The following CLCC1 variants were observed in gnomAD, a reference collection of about 807,000 sequenced individuals.
CLCC1 encodes the protein chloride channel CLIC-like protein 1.
A neutral mutation model predicts 63.3 loss-of-function variants in CLCC1; 39 were observed. That is an observed-to-expected ratio of 0.62 (90% CI 0.48 to 0.81). The LOEUF (loss-of-function observed/expected upper bound fraction) is 0.81. Among genes scored for constraint, CLCC1 ranks in the 30% least tolerant of loss-of-function variants. The pLI, the probability that CLCC1 is intolerant of heterozygous loss-of-function variation, is 0.00. For missense variants in CLCC1, 549 were observed against 669.4 expected, an observed-to-expected ratio of 0.82 and a Z score of 1.98; for synonymous variants, 217 against 239.8, an observed-to-expected ratio of 0.90 and a Z score of 0.88.
At position 108,936,085 on chromosome 1, in the gene CLCC1, G is replaced by GTTTTT. The variant is rs530980387; in HGVS notation, c.1383+987_1383+991dup. On this transcript the variant is annotated intron_variant, in intron 11 of 12. Transcript: ENST00000369969. ...AAAGCTGGAAGGACCATCTTAAGTT[G>GTTTTT]TTTTTTTTTTTTTTTTTTTTTTTTT... is the stretch of plus-strand genomic sequence containing the variant. Among the ~76,000 whole-genome samples, 46 of 88,116 alleles carry GTTTTT rather than the reference G, an allele frequency of 5.2e-4. 1 individual carries two copies. The highest frequency in any genetic ancestry group is 5.5e-4 in the Non-Finnish European group (27 of 48,900). The allele number at this position is 88,116 out of a possible 152,430, so 57.8% of individuals were successfully genotyped here. A position where few individuals can be genotyped will look rare whatever the true frequency, so the allele number is the denominator to read the frequency against.
rs773576577 is a variant in CLCC1 at position 108,931,344 on chromosome 1, C to CAA, written c.*1201_*1202dup. On this transcript the variant is annotated 3_prime_UTR_variant, in exon 13 of 13. Transcript: ENST00000369969. Reference sequence around the variant, plus strand: ...AAGGCAGTTTACAAGGGGATGATAACAAAGTAACTAACTAACTGTAGCAAA... The same window carrying CAA: ...AAGGCAGTTTACAAGGGGATGATAACAAAAAGTAACTAACTAACTGTAGCAAA... 3.9e-6 allele frequency: 6 copies of CAA among 1,550,458 alleles called. No homozygotes were observed. In the South Asian group the frequency reaches 6.0e-5, roughly 15 times the overall value.
At chr1:108,939,467 C>T (rs1054862709) in intron 10 of CLCC1, among the ~76,000 whole-genome samples, 169 bp downstream of exon 10, 5 of 151,454 alleles carry the variant, frequency 3.3e-5, no homozygotes, top group Admixed American at 1.3e-4. Context: ...CCACCACGCC[C>T]GGCTAATTTT....
intron 2 of CLCC1, among the ~76,000 whole-genome samples, chr1:108,960,040 G>A (rs1273327819): frequency 6.6e-6 from 1 of 152,144 alleles, no homozygotes; most frequent in East Asian, 1.9e-4. Context: ...AGGCTGAGGT[G>A]GGAGGATCAC....
chr1:108,946,636 C>A (rs931956206), intron 5 of CLCC1, among the ~76,000 whole-genome samples: 1 of 152,020 alleles, frequency 6.6e-6, no homozygotes, highest in Non-Finnish European at 1.5e-5. Flanking sequence ...GCAGGTGGGG[C>A]TAATGGCCAG....
At chr1:108,946,511 T>C (rs1469551154) in intron 5 of CLCC1, among the ~76,000 whole-genome samples, 1 of 152,176 alleles carries the variant, frequency 6.6e-6, no homozygotes, top group Non-Finnish European at 1.5e-5. Flanking sequence ...CTCCTTTTTC[T>C]TTTGGTCACT....
In CLCC1 at chr1:108,955,496, C is replaced by A. The variant is rs573321843; in HGVS notation, c.-11-5048G>T. Among the ~76,000 whole-genome samples, 154 of 151,516 alleles carry A rather than the reference C, an allele frequency of 1.0e-3. 9 individuals are homozygous for A. Among genetic ancestry groups the A allele is most frequent in the African/African-American group, 3.4e-3 (137 of 40,804 alleles). ...GAAGTGGGGCTATGATGGTTCTAGGCCTAGCCTTCAAGAGGGTCGCCTGCT... is the reference window on the plus strand; with the variant it reads ...GAAGTGGGGCTATGATGGTTCTAGGACTAGCCTTCAAGAGGGTCGCCTGCT... On this transcript the variant is annotated intron_variant, in intron 2 of 12. Transcript: ENST00000369969.
intron 5 of CLCC1, among the ~76,000 whole-genome samples, chr1:108,947,009 C>T (rs556199751): frequency 1.6e-3 from 250 of 152,016 alleles, no homozygotes; most frequent in African/African-American, 5.9e-3. Context: ...ACTAAAAATA[C>T]AAAAATTAGC....
chr1:108,936,085 G>GTTTTTT (rs530980387), intron 11 of CLCC1, among the ~76,000 whole-genome samples: 17 of 88,116 alleles, frequency 1.9e-4, no homozygotes, highest in South Asian at 4.5e-4. Context: ...ATCTTAAGTT[G>GTTTTTT]TTTTTTTTTT....
chr1:108,946,437 G>A (rs1275143106), intron 5 of CLCC1, among the ~76,000 whole-genome samples: 1 of 152,166 alleles, frequency 6.6e-6, no homozygotes, highest in Non-Finnish European at 1.5e-5. Context: ...AAATTACAGA[G>A]TGTACGTATG....
chr1:108,950,852 T>C (rs1250365317), intron 2 of CLCC1, among the ~76,000 whole-genome samples: 1 of 152,002 alleles, frequency 6.6e-6, no homozygotes, highest in African/African-American at 2.4e-5. Flanking sequence ...CTTCTAGAGT[T>C]AAGATAACAC....
At chr1:108,936,085 G>GTTTTTTTTTTT (rs530980387) in intron 11 of CLCC1, among the ~76,000 whole-genome samples, 1 of 88,108 alleles carries the variant, frequency 1.1e-5, no homozygotes, top group Non-Finnish European at 2.0e-5. Context: ...ATCTTAAGTT[G>GTTTTTTTTTTT]TTTTTTTTTT....
intron 2 of CLCC1, among the ~76,000 whole-genome samples, chr1:108,959,773 A>G (rs1656391110): frequency 6.6e-6 from 1 of 152,224 alleles, no homozygotes; most frequent in African/African-American, 2.4e-5. Context: ...GCCAAGATGG[A>G]GTAACAGGGA....
chr1:108,947,791 GCTGTCAT>G, intron 4 of CLCC1, 73 bp from the exon 5 acceptor site: 1 of 970,024 alleles, frequency 1.0e-6, no homozygotes, highest in Non-Finnish European at 1.6e-6. Context: ...CTAGCCTAGT[GCTGTCAT>G]CGGAATCAAG....
intron 5 of CLCC1, 54 bp from the exon 6 acceptor site, chr1:108,944,111 TG>T: frequency 7.6e-7 from 1 of 1,318,958 alleles, no homozygotes; most frequent in Non-Finnish European, 1.0e-6. Flanking sequence ...TATTACTACT[TG>T]GTGAACCATT....
rs1280953915 is a variant in CLCC1, at chr1:108,935,785, GC to G, written c.1384-844del. On this transcript the variant is annotated intron_variant, in intron 11 of 12. Transcript: ENST00000369969. ...CCAAAAATAATAAAAATGAGTAAAGGCCTGAAGAAAGTAACCATATGATTGA... is the reference window on the plus strand; with the variant it reads ...CCAAAAATAATAAAAATGAGTAAAGGCTGAAGAAAGTAACCATATGATTGA... Among the ~76,000 whole-genome samples, 3 of 152,144 alleles carry G rather than the reference GC, an allele frequency of 2.0e-5. No homozygotes were observed. The East Asian group carries it at 5.8e-4, about 29-fold the overall frequency.
intron 2 of CLCC1, among the ~76,000 whole-genome samples, chr1:108,953,133 T>C (rs1655422959): frequency 6.6e-6 from 1 of 152,260 alleles, no homozygotes; most frequent in Middle Eastern, 3.4e-3. Context: ...ACCTACTACA[T>C]ATAAGAATCA....
At chr1:108,936,335 G>A (rs1254493173) in intron 11 of CLCC1, among the ~76,000 whole-genome samples, 2 of 152,140 alleles carry the variant, frequency 1.3e-5, no homozygotes, top group African/African-American at 4.8e-5. Flanking sequence ...GACCTCCAGT[G>A]ATCCGCCTGC....
At chr1:108,961,807 C>G (rs1656682848) in intron 2 of CLCC1, among the ~76,000 whole-genome samples, 1 of 151,822 alleles carries the variant, frequency 6.6e-6, no homozygotes, top group African/African-American at 2.4e-5. Context: ...TGCGGTGAGC[C>G]GAGATCGCGC....
intron 5 of CLCC1, among the ~76,000 whole-genome samples, chr1:108,947,154 ACT>A (rs1388161395): frequency 1.3e-5 from 2 of 151,862 alleles, no homozygotes; most frequent in African/African-American, 4.8e-5. Flanking sequence ...ACAGAGCGAG[ACT>A]CTGTCTCAAA....
Sources: allele counts gnomAD v4.1 joint callset (sites outside exome capture counted in the v4.1 genomes callset), GRCh38; gene constraint gnomAD v4.1.1; transcripts MANE v1.5; gene names NCBI Gene and HGNC (gene_info 2026-07-23, HGNC 2026-07-21).